The following PARN variants were observed in gnomAD, a reference collection of about 807,000 sequenced individuals.
The protein encoded by PARN is poly(A)-specific ribonuclease PARN.
Under a neutral mutation model 102.8 loss-of-function variants are expected in PARN, and 71 were observed. The observed-to-expected ratio is 0.69, with a 90% CI of 0.57 to 0.84. PARN has a LOEUF of 0.84. Ranked by LOEUF, PARN falls within the 40% of genes least tolerant of loss-of-function variation. PARN has a pLI of 0.00. For synonymous variants in PARN, 261 were observed against 252.9 expected, an observed-to-expected ratio of 1.03 and a Z score of -0.30; for missense variants, 782 against 760.9, an observed-to-expected ratio of 1.03 and a Z score of -0.33.
chr16:14,583,579 C>A (rs940579369), intron 16 of PARN, among the ~76,000 whole-genome samples: 1 of 152,200 alleles, frequency 6.6e-6, no homozygotes, highest in Non-Finnish European at 1.5e-5. Flanking sequence ...AATGGCCCCA[C>A]CACCACTTTT....
chr16:14,550,878 A>G (rs188644810), intron 21 of PARN, among the ~76,000 whole-genome samples: 1 of 152,314 alleles, frequency 6.6e-6, no homozygotes, highest in Admixed American at 6.5e-5. Context: ...TTAAGAAAAC[A>G]AAACGTTTAA....
intron 18 of PARN, among the ~76,000 whole-genome samples, chr16:14,566,278 A>C (rs1968422735): frequency 6.6e-6 from 1 of 152,192 alleles, no homozygotes; most frequent in Non-Finnish European, 1.5e-5. Context: ...CACTGCCATC[A>C]TATGTGTCCT....
At chr16:14,495,998 G>T (rs1964295260) in intron 21 of PARN, among the ~76,000 whole-genome samples, 1 of 152,198 alleles carries the variant, frequency 6.6e-6, no homozygotes, top group South Asian at 2.1e-4. Flanking sequence ...CATGGAGCTG[G>T]TACCTGATAA....
At chr16:14,590,497 T>C (rs1970126699) in intron 13 of PARN, among the ~76,000 whole-genome samples, 1 of 151,204 alleles carries the variant, frequency 6.6e-6, no homozygotes, top group African/African-American at 2.4e-5. Flanking sequence ...TACCCGGGCA[T>C]GGTAGCAGGC....
chr16:14,447,024 A>C lies in PARN; in HGVS notation c.1728T>G (p.Ala576=). The C allele has an allele frequency of 6.2e-7, 1 of 1,613,908 alleles. No homozygotes were observed. The highest frequency in any genetic ancestry group is 8.5e-7 in the Non-Finnish European group (1 of 1,179,812). Reference sequence around the variant, plus strand: ...CCCCTGACACTCCGTCCTCCAGGCCAGCTTCCTCTTGACTAGGACTCAAAT... The same window carrying C: ...CCCCTGACACTCCGTCCTCCAGGCCCGCTTCCTCTTGACTAGGACTCAAAT... ...KRNLSPSQEE[A]GLEDGVSGEI... Residue 576 remains alanine, a synonymous_variant, in exon 23 of 24, where the codon GCT becomes GCG. Coordinates refer to ENST00000437198, the MANE Select transcript of PARN (RefSeq NM_002582.4).
intron 10 of PARN, among the ~76,000 whole-genome samples, chr16:14,605,465 T>C (rs1235682361): frequency 1.3e-5 from 2 of 152,244 alleles, no homozygotes; most frequent in African/African-American, 2.4e-5. Flanking sequence ...CATTTGAACA[T>C]TGACTTCTGA....
intron 18 of PARN, among the ~76,000 whole-genome samples, chr16:14,564,153 GTAAGCC>G (rs1194854958): frequency 1.3e-5 from 2 of 152,248 alleles, no homozygotes; most frequent in Non-Finnish European, 2.9e-5. Flanking sequence ...CTGTGAAATG[GTAAGCC>G]TAGAGTACCA....
intron 21 of PARN, among the ~76,000 whole-genome samples, chr16:14,544,655 A>G (rs1966866443): frequency 6.6e-6 from 1 of 152,224 alleles, no homozygotes; most frequent in Non-Finnish European, 1.5e-5. Context: ...AATATCAGAT[A>G]AGGTAGACTT....
intron 21 of PARN, among the ~76,000 whole-genome samples, chr16:14,488,648 A>G (rs969125137): frequency 2.6e-5 from 4 of 152,226 alleles, no homozygotes; most frequent in African/African-American, 9.6e-5. Context: ...ACAAAGGCAA[A>G]TCATGACTAT....
chr16:14,614,452 T>A (rs2151802957), intron 6 of PARN, among the ~76,000 whole-genome samples: 1 of 152,132 alleles, frequency 6.6e-6, no homozygotes, highest in South Asian at 2.1e-4. Flanking sequence ...TGGAGAGAAT[T>A]ATAACACACC....
At chr16:14,534,221 G>GAA (rs1214382920) in intron 21 of PARN, among the ~76,000 whole-genome samples, 11 of 59,362 alleles carry the variant, frequency 1.9e-4, no homozygotes, top group South Asian at 5.9e-4. Flanking sequence ...CCCTGTCTCA[G>GAA]AAAAAAAAAA....
At chr16:14,511,224 G>A (rs1481756047) in intron 21 of PARN, among the ~76,000 whole-genome samples, 1 of 152,204 alleles carries the variant, frequency 6.6e-6, no homozygotes, top group African/African-American at 2.4e-5. Context: ...ACCTCCATGA[G>A]TTGACACAGG....
intron 12 of PARN, among the ~76,000 whole-genome samples, chr16:14,598,969 T>C (rs893268173): frequency 4.7e-4 from 71 of 151,700 alleles, no homozygotes; most frequent in African/African-American, 1.7e-3. Flanking sequence ...GCAAGCTGTC[T>C]AGAACAACCA....
rs535199584 is a variant in PARN, at chr16:14,499,525, A to C, written c.1481-16698T>G. Among the ~76,000 whole-genome samples the C allele has an allele frequency of 4.6e-5, 7 of 152,372 alleles. No homozygotes were observed. In the East Asian group the frequency reaches 1.3e-3, roughly 29 times the overall value. On this transcript the variant is annotated intron_variant, in intron 21 of 23. Transcript: ENST00000437198. ...TGTGAAATTCTTTGCCAGCAGGAGA[A>C]TACGATTTTTAAAAAAGTGATATTG...
chr16:14,535,800 T>G (rs1567358857), intron 21 of PARN, among the ~76,000 whole-genome samples: 2 of 152,174 alleles, frequency 1.3e-5, no homozygotes, highest in South Asian at 2.1e-4. Flanking sequence ...AAATTTAACT[T>G]TATCATAGGT....
intron 21 of PARN, among the ~76,000 whole-genome samples, chr16:14,514,826 C>T (rs776344340): frequency 2.6e-4 from 40 of 152,162 alleles, no homozygotes; most frequent in Non-Finnish European, 2.9e-4. Flanking sequence ...GTGAAAAGGC[C>T]ACCTGAGGAC....
At chr16:14,468,853 G>C in intron 22 of PARN, among the ~76,000 whole-genome samples, 1 of 150,238 alleles carries the variant, frequency 6.7e-6, no homozygotes, top group Non-Finnish European at 1.5e-5. Context: ...ACCAGCTGGG[G>C]CAACACAGCA....
At chr16:14,465,228 C>T (rs576232344) in intron 22 of PARN, among the ~76,000 whole-genome samples, 7 of 152,138 alleles carry the variant, frequency 4.6e-5, no homozygotes, top group African/African-American at 1.2e-4. Context: ...ACACTAAGCT[C>T]GGGTGCCACC....
intron 7 of PARN, among the ~76,000 whole-genome samples, chr16:14,609,435 G>GA (rs754214369): frequency 1.0e-3 from 153 of 152,172 alleles, no homozygotes; most frequent in Non-Finnish European, 9.1e-4. Context: ...GCTGGGAGTG[G>GA]TGCAGTGTAA....
Sources: gnomAD v4.1 joint callset for allele counts (sites outside exome capture counted in the v4.1 genomes callset) on GRCh38, gnomAD v4.1.1 for gene constraint, MANE v1.5 for transcripts, NCBI Gene and HGNC (gene_info 2026-07-23, HGNC 2026-07-21) for gene names.